ATP13A4: variants seen among roughly 807,000 people sequenced by gnomAD.
The protein encoded by ATP13A4 is probable cation-transporting ATPase 13A4.
A neutral mutation model predicts 142.5 loss-of-function variants in ATP13A4; 114 were observed. The ratio of observed to expected loss-of-function variants is 0.80; its 90% CI spans 0.69 to 0.93. ATP13A4 has a LOEUF of 0.93. Among genes scored for constraint, ATP13A4 ranks in the 40% least tolerant of loss-of-function variants. The pLI is 0.00. For missense variants in ATP13A4, 1,392 were observed against 1,454.0 expected (o/e 0.96, Z 0.69); for synonymous variants, 488 against 514.8 (o/e 0.95, Z 0.70).
rs531906205 is a variant in ATP13A4 at position 193,485,352 on chromosome 3, T to C, written c.739-1347A>G. Among the ~76,000 whole-genome samples, 3 of 152,236 alleles carry C rather than the reference T, an allele frequency of 2.0e-5. No homozygotes were observed. In the East Asian group the frequency reaches 5.8e-4, roughly 29 times the overall value. ...GTTACACGTACAGGTGGAGCAGCAG[T>C]CCTTAGAGAGTGGCCTGAGGATTCC... is the stretch of plus-strand genomic sequence containing the variant. On this transcript the variant is annotated intron_variant, in intron 7 of 29. Transcript: ENST00000342695.
At chr3:193,456,889 AC>A in intron 16 of ATP13A4, 110 bp downstream of exon 16, 2 of 1,303,506 alleles carry the variant, frequency 1.5e-6, no homozygotes, top group Non-Finnish European at 2.2e-6. Context: ...CCAGTGAGCC[AC>A]CCAATTGGTG....
intron 2 of ATP13A4, among the ~76,000 whole-genome samples, chr3:193,567,837 C>T (rs1724167431): frequency 6.6e-6 from 1 of 152,220 alleles, no homozygotes; most frequent in African/African-American, 2.4e-5. Flanking sequence ...TGTTTAAAGC[C>T]TGCCTGGAGG....
At position 193,414,570 on chromosome 3, in the gene ATP13A4, T is replaced by C; in HGVS notation, c.3014+9A>G. ...ATGTGAGAAGCAGAAGCTGAGACTA[T>C]ACTCATACCTGTGTATCTCCACGGA... On this transcript the variant is annotated intron_variant, in intron 26 of 29. Coordinates refer to ENST00000342695, the MANE Select transcript of ATP13A4 (RefSeq NM_032279.4). The C allele has an allele frequency of 6.2e-7, 1 of 1,613,292 alleles. No homozygotes were observed. The highest frequency in any genetic ancestry group is 1.1e-5 in the South Asian group (1 of 91,056).
intron 1 of ATP13A4, among the ~76,000 whole-genome samples, chr3:193,542,203 T>C (rs1367514566): frequency 1.3e-5 from 2 of 151,906 alleles, no homozygotes; most frequent in South Asian, 4.2e-4. Flanking sequence ...GAAAGCCAAA[T>C]CATGAACTCC....
At chr3:193,452,793 A>AT (rs1429712155) in intron 17 of ATP13A4, among the ~76,000 whole-genome samples, 2 of 77,094 alleles carry the variant, frequency 2.6e-5, no homozygotes, top group Non-Finnish European at 5.6e-5. Flanking sequence ...TTATATATAT[A>AT]ATATTATCTT....
chr3:193,407,310 T>C lies in ATP13A4; in HGVS notation c.3378+3A>G. 1 of 1,608,512 alleles carries C rather than the reference T, an allele frequency of 6.2e-7. No homozygotes were observed. Among genetic ancestry groups the C allele is most frequent in the South Asian group, 1.1e-5 (1 of 90,954 alleles). ...ATCAGCAGCCCAAGATCAGCACACT[T>C]ACCTCGGCCACAAGGGACACAATGA... On this transcript the variant is annotated splice_donor_region_variant and intron_variant, in intron 29 of 29. Coordinates refer to ENST00000342695, the MANE Select transcript of ATP13A4 (RefSeq NM_032279.4).
At position 193,492,912 on chromosome 3, in the gene ATP13A4, G is replaced by A. The variant is rs755009711; in HGVS notation, c.533+5C>T. ...AGCTAGTATAGGCAATAATATGCAT[G>A]GTACCTAATCTCCTGTTCTTCTCTT... On this transcript the variant is annotated splice_donor_5th_base_variant and intron_variant, in intron 5 of 29. Coordinates refer to ENST00000342695, the MANE Select transcript of ATP13A4 (RefSeq NM_032279.4). The A allele has an allele frequency of 1.3e-6, 2 of 1,595,194 alleles. No homozygotes were observed. Among genetic ancestry groups the A allele is most frequent in the South Asian group, 1.1e-5 (1 of 90,570 alleles).
At chr3:193,438,962 C>G (rs1013502862) in intron 22 of ATP13A4, 61 bp downstream of exon 22, 3 of 1,515,390 alleles carry the variant, frequency 2.0e-6, no homozygotes, top group Non-Finnish European at 2.8e-6. Context: ...GGCAGCTACT[C>G]TAAAGGGCTT....
At chr3:193,431,599 ATGCATG>A (rs1434079367) in intron 25 of ATP13A4, among the ~76,000 whole-genome samples, 1 of 148,188 alleles carries the variant, frequency 6.7e-6, no homozygotes, top group Non-Finnish European at 1.5e-5. Flanking sequence ...GTTTCTATAT[ATGCATG>A]TGTGTGTGTG....
intron 2 of ATP13A4, among the ~76,000 whole-genome samples, chr3:193,568,020 C>T (rs767343698): frequency 2.0e-5 from 3 of 151,650 alleles, no homozygotes; most frequent in Non-Finnish European, 4.4e-5. Flanking sequence ...AGTGCAATGG[C>T]GCAGTCTCGG....
chr3:193,478,840 C>T (rs1315960758), intron 8 of ATP13A4, among the ~76,000 whole-genome samples: 2 of 45,424 alleles, frequency 4.4e-5, no homozygotes, highest in African/African-American at 1.8e-4. Flanking sequence ...GACCAATGTC[C>T]CTGATGAACA....
At chr3:193,540,245 C>A (rs1467218551) in intron 1 of ATP13A4, among the ~76,000 whole-genome samples, 1 of 151,958 alleles carries the variant, frequency 6.6e-6, no homozygotes, top group Non-Finnish European at 1.5e-5. Flanking sequence ...ATAATTGATC[C>A]TTTAAATGAA....
At chr3:193,445,204 G>T (rs1029205072) in intron 18 of ATP13A4, among the ~76,000 whole-genome samples, 1 of 151,470 alleles carries the variant, frequency 6.6e-6, no homozygotes, top group African/African-American at 2.4e-5. Flanking sequence ...TTGGGAGGCC[G>T]AGGCACACAG....
At chr3:193,446,170 T>C (rs1716944064) in intron 18 of ATP13A4, among the ~76,000 whole-genome samples, 1 of 151,244 alleles carries the variant, frequency 6.6e-6, no homozygotes, top group South Asian at 2.1e-4. Flanking sequence ...CTCTAAAAAA[T>C]AAGTAAATAA....
chr3:193,590,379 C>T (rs1177053710), intron 1 of ATP13A4, among the ~76,000 whole-genome samples: 1 of 151,964 alleles, frequency 6.6e-6, no homozygotes, highest in Non-Finnish European at 1.5e-5. Context: ...CTGAAATATA[C>T]CGCAAAAAAG....
intron 2 of ATP13A4, among the ~76,000 whole-genome samples, chr3:193,568,393 C>T (rs6444728): frequency 0.41 from 62,799 of 151,978 alleles, 14,353 homozygotes; most frequent in African/African-American, 0.62. Flanking sequence ...CAGTAAAAAA[C>T]AGACACTTCT....
rs1308286933 is a variant in ATP13A4, at chr3:193,442,393, C to T, written c.2316G>A (p.Gln772=). The change falls in exon 19 of 30, where the codon CAG becomes CAA. Residue 772 remains glutamine, a splice_region_variant and synonymous_variant. Coordinates refer to ENST00000342695, the MANE Select transcript of ATP13A4 (RefSeq NM_032279.4). ...GCAGAAGGTCTGTGTTCAGGAGTAC[C>T]TGATTCCCATACATAATGTGTTTCT... ...EEKKHIMYGN[Q]DNYINIRDEV... The T allele has an allele frequency of 3.1e-6, 5 of 1,613,624 alleles. No homozygotes were observed. Among genetic ancestry groups the T allele is most frequent in the Non-Finnish European group, 4.2e-6 (5 of 1,179,580 alleles).
intron 26 of ATP13A4, 62 bp from the exon 27 acceptor site, chr3:193,412,433 A>G: frequency 6.7e-7 from 1 of 1,491,986 alleles, no homozygotes; most frequent in Non-Finnish European, 9.3e-7. Context: ...GAGCATTTGT[A>G]TCCAGAAGAT....
At chr3:193,422,629 C>T (rs1287510458) in intron 25 of ATP13A4, among the ~76,000 whole-genome samples, 1 of 149,294 alleles carries the variant, frequency 6.7e-6, no homozygotes, top group Non-Finnish European at 1.5e-5. Context: ...TACTGAACAA[C>T]CAATGAGTCA....
Sources: gnomAD v4.1 joint callset for allele counts (sites outside exome capture counted in the v4.1 genomes callset) on GRCh38, gnomAD v4.1.1 for gene constraint, MANE v1.5 for transcripts, NCBI Gene and HGNC (gene_info 2026-07-23, HGNC 2026-07-21) for gene names.